Variants in MYOM2 observed in about 807,000 individuals in gnomAD.
MYOM2 encodes myomesin 2, also known as myomesin-2.
Under a neutral mutation model 187.6 loss-of-function variants are expected in MYOM2, and 254 were observed. The ratio of observed to expected loss-of-function variants is 1.35; its 90% CI spans 1.22 to 1.50. The LOEUF (loss-of-function observed/expected upper bound fraction) is 1.50. Among genes scored for constraint, MYOM2 ranks in the 40% most tolerant of loss-of-function variants. The pLI, the probability that MYOM2 is intolerant of heterozygous loss-of-function variation, is 0.00. For missense variants in MYOM2, 2,796 were observed against 1,924.0 expected, an observed-to-expected ratio of 1.45 and a Z score of -8.48; for synonymous variants, 981 against 753.8, an observed-to-expected ratio of 1.30 and a Z score of -4.94.
intron 32 of MYOM2, among the ~76,000 whole-genome samples, chr8:2,136,628 T>G (rs187415605): frequency 1.1e-4 from 16 of 147,366 alleles, no homozygotes; most frequent in African/African-American, 4.0e-4. Context: ...AGCAATTGTG[T>G]GCAGTGGGGC....
chr8:2,133,000 C>G (rs1430854634), intron 32 of MYOM2, among the ~76,000 whole-genome samples: 1 of 152,166 alleles, frequency 6.6e-6, no homozygotes, highest in Non-Finnish European at 1.5e-5. Context: ...TCCCTTTGTC[C>G]TGGTCGTGGC....
At chr8:2,057,293 C>T (rs931783837) in intron 3 of MYOM2, 55 bp from the exon 4 acceptor site, 2 of 1,558,018 alleles carry the variant, frequency 1.3e-6, no homozygotes, top group African/African-American at 1.4e-5. Flanking sequence ...CCTTCGGGGG[C>T]CACGTGGTTT....
chr8:2,128,542 C>A (rs1175070238), intron 31 of MYOM2, among the ~76,000 whole-genome samples: 1 of 152,212 alleles, frequency 6.6e-6, no homozygotes, highest in Non-Finnish European at 1.5e-5. Flanking sequence ...GACCTCTGAC[C>A]CATAGATCAT....
Position 2,106,209 on chromosome 8 carries a change from C to G in MYOM2, c.2735-33C>G, listed in dbSNP as rs773125619. On this transcript the variant is annotated intron_variant, in intron 21 of 36. Transcript: ENST00000262113. ...AGAGAGTTGAAAGAACACCGTGTCC[C>G]TAAGCCGCTCACTTCATACTCTTCT... 4.6e-5 allele frequency: 74 copies of G among 1,607,730 alleles called. No individual in the cohort carries two copies. The East Asian group carries it at 1.5e-3, about 33-fold the overall frequency.
chr8:2,144,233 T>C (rs1798376846), intron 36 of MYOM2, among the ~76,000 whole-genome samples: 1 of 151,308 alleles, frequency 6.6e-6, no homozygotes, highest in African/African-American at 2.5e-5. Flanking sequence ...TTTTTTTGCC[T>C]CCAATTTACC....
chr8:2,116,280 G>T lies in MYOM2; in HGVS notation c.3385+5G>T. 6.2e-7 allele frequency: 1 copy of T among 1,612,296 alleles called. No individual in the cohort carries two copies. Among genetic ancestry groups the T allele is most frequent in the Non-Finnish European group, 8.5e-7 (1 of 1,179,020 alleles). On this transcript the variant is annotated splice_donor_5th_base_variant and intron_variant, in intron 27 of 36. Coordinates refer to ENST00000262113, the MANE Select transcript of MYOM2 (RefSeq NM_003970.4). ...AAGAATTTCTCAGGAAACAAGGTGA[G>T]TTTCCTCACTCTGACCGGCTCCCCT...
At chr8:2,120,698 T>TATATATA (rs1797420250) in intron 28 of MYOM2, among the ~76,000 whole-genome samples, 23 of 116,552 alleles carry the variant, frequency 2.0e-4, no homozygotes, top group African/African-American at 7.7e-4. Context: ...AAATATATAA[T>TATATATA]ATATATATTT....
intron 2 of MYOM2, among the ~76,000 whole-genome samples, chr8:2,051,711 A>G (rs1410613713): frequency 1.3e-5 from 2 of 152,210 alleles, no homozygotes; most frequent in Non-Finnish European, 2.9e-5. Flanking sequence ...CTGGCTCTGA[A>G]GGGAGGTGGC....
At chr8:2,064,039 G>T (rs538305153) in intron 6 of MYOM2, among the ~76,000 whole-genome samples, 1 of 152,200 alleles carries the variant, frequency 6.6e-6, no homozygotes, top group African/African-American at 2.4e-5. Context: ...GAAGACGGGG[G>T]TCCTTTGGAA....
Position 2,072,521 on chromosome 8 carries a change from A to G in MYOM2, c.958+12A>G, listed in dbSNP as rs777102190. ...GTGGTACCGCGATGGTGAGTAGGAC[A>G]CGGCCCAGACCCGGGCACACACCAG... On this transcript the variant is annotated intron_variant, in intron 9 of 36. Transcript: ENST00000262113. The G allele has an allele frequency of 6.2e-7, 1 of 1,610,452 alleles. No homozygotes were observed. The highest frequency in any genetic ancestry group is 1.7e-5 in the Admixed American group (1 of 59,962).
chr8:2,086,558 T>A (rs549283888), intron 14 of MYOM2, among the ~76,000 whole-genome samples: 7 of 137,740 alleles, frequency 5.1e-5, no homozygotes, highest in Non-Finnish European at 9.8e-5. Flanking sequence ...AAAGATGACC[T>A]ACTAGTTCAT....
intron 32 of MYOM2, among the ~76,000 whole-genome samples, chr8:2,132,082 T>G (rs1159364661): frequency 6.6e-6 from 1 of 152,250 alleles, no homozygotes; most frequent in African/African-American, 2.4e-5. Context: ...AAATGCGTTC[T>G]TATTAGATAG....
chr8:2,124,873 G>A (rs1797583323), intron 31 of MYOM2, among the ~76,000 whole-genome samples: 1 of 152,052 alleles, frequency 6.6e-6, no homozygotes, highest in Non-Finnish European at 1.5e-5. Flanking sequence ...AGTATCTGTT[G>A]GCCATTTTTC....
At chr8:2,099,023 A>G in intron 19 of MYOM2, 40 bp downstream of exon 19, 2 of 1,559,338 alleles carry the variant, frequency 1.3e-6, no homozygotes, top group Non-Finnish European at 1.7e-6. Flanking sequence ...TCCAGCGCAC[A>G]GGCTGGCTGG....
Position 2,109,479 on chromosome 8 carries a change from C to T in MYOM2, c.3128C>T (p.Pro1043Leu), listed in dbSNP as rs761252942. 1 of 1,613,386 alleles carries T rather than the reference C, an allele frequency of 6.2e-7. No homozygotes were observed. Among genetic ancestry groups the T allele is most frequent in the Non-Finnish European group, 8.5e-7 (1 of 1,179,666 alleles). Reference sequence around the variant, plus strand: ...TGGCTCCAGGCTGAGCACTTATCACCAGATGCCAGCTACCGATTTATTATT... The same window carrying T: ...TGGCTCCAGGCTGAGCACTTATCACTAGATGCCAGCTACCGATTTATTATT... ...RFWLQAEHLS[P>L]DASYRFIIND... Residue 1043 changes from proline to leucine, a missense_variant, in exon 25 of 37, where the codon CCA becomes CTA. Pro to Leu is a moderately conservative substitution (Grantham distance 98, BLOSUM62 -3). Coordinates refer to ENST00000262113, the MANE Select transcript of MYOM2 (RefSeq NM_003970.4).
intron 28 of MYOM2, among the ~76,000 whole-genome samples, chr8:2,122,678 G>A (rs560335302): frequency 3.3e-5 from 5 of 152,254 alleles, no homozygotes; most frequent in Admixed American, 1.3e-4. Flanking sequence ...GACCAATGCC[G>A]GAGCATGTGA....
chr8:2,102,558 GA>G (rs1796744104), intron 20 of MYOM2, 108 bp from the exon 21 acceptor site: 1 of 604,054 alleles, frequency 1.7e-6, no homozygotes, highest in African/African-American at 1.8e-5. Flanking sequence ...TTCCTAACTG[GA>G]AAAATAAGCT....
intron 23 of MYOM2, 119 bp from the exon 24 acceptor site, chr8:2,108,667 C>G: frequency 1.1e-6 from 1 of 942,802 alleles, no homozygotes; most frequent in East Asian, 2.4e-5. Flanking sequence ...AAATTCCTTT[C>G]GTGTCCTCCA....
Position 2,050,747 on chromosome 8 carries a change from C to T in MYOM2, c.-12-8C>T, listed in dbSNP as rs781262425. 1.3e-6 allele frequency: 2 copies of T among 1,568,156 alleles called. No individual in the cohort carries two copies. The highest frequency in any genetic ancestry group is 2.2e-5 in the South Asian group (2 of 89,966). On this transcript the variant is annotated splice_region_variant and splice_polypyrimidine_tract_variant and intron_variant, in intron 1 of 36. Coordinates refer to ENST00000262113, the MANE Select transcript of MYOM2 (RefSeq NM_003970.4). ...GGAGCTCAGTGTTGTGTGTGACTCT[C>T]TTTGTAGGAGCACGCCAAGATGTCC...
Sources: gnomAD v4.1 joint callset for allele counts (sites outside exome capture counted in the v4.1 genomes callset) on GRCh38, gnomAD v4.1.1 for gene constraint, MANE v1.5 for transcripts, NCBI Gene and HGNC (gene_info 2026-07-23, HGNC 2026-07-21) for gene names.